Variants in ZNF407 observed in about 807,000 individuals in gnomAD.
ZNF407 encodes the protein zinc finger protein 407.
A neutral mutation model predicts 131.2 loss-of-function variants in ZNF407; 17 were observed. The ratio of observed to expected loss-of-function variants is 0.13; its 90% CI spans 0.09 to 0.19. ZNF407 has a LOEUF of 0.19. Among genes scored for constraint, ZNF407 ranks in the 10% least tolerant of loss-of-function variants. The probability of loss-of-function intolerance (pLI) is 1.00; values close to 1 mark genes in which losing one functional copy is unlikely to be tolerated. For synonymous variants in ZNF407, 1,156 were observed against 1,062.0 expected, an observed-to-expected ratio of 1.09 and a Z score of -1.72; for missense variants, 2,681 against 2,830.6, an observed-to-expected ratio of 0.95 and a Z score of 1.20.
chr18:74,644,432 A>G (rs1488024114), intron 3 of ZNF407, among the ~76,000 whole-genome samples: 2 of 151,252 alleles, frequency 1.3e-5, no homozygotes, highest in African/African-American at 4.9e-5. Context: ...GGCCAAATGC[A>G]TATTTTTATT....
intron 3 of ZNF407, among the ~76,000 whole-genome samples, chr18:74,699,396 G>T (rs1310814408): frequency 1.3e-5 from 2 of 152,174 alleles, no homozygotes; most frequent in African/African-American, 2.4e-5. Context: ...TTAGGGGAGT[G>T]CTGGGGTCTG....
rs868700418 is a variant in ZNF407, at chr18:74,706,760, T to C, written c.4802+65638T>C. Among the ~76,000 whole-genome samples, 7 of 152,252 alleles carry C rather than the reference T, an allele frequency of 4.6e-5. No individual in the cohort carries two copies. The South Asian group carries it at 1.5e-3, about 32-fold the overall frequency. ...GGTAGGGTACTTGTAGAATTTGACC[T>C]TCATAAGGCCTATAGAGGCAGGTGA... On this transcript the variant is annotated intron_variant, in intron 3 of 8. Transcript: ENST00000299687.
chr18:74,875,393 T>C (rs979953128), intron 4 of ZNF407, among the ~76,000 whole-genome samples: 1 of 152,216 alleles, frequency 6.6e-6, no homozygotes, highest in African/African-American at 2.4e-5. Flanking sequence ...AGATGTAATT[T>C]TGTTAAATGT....
At chr18:75,018,927 TC>T (rs1973076027) in intron 8 of ZNF407, among the ~76,000 whole-genome samples, 1 of 152,138 alleles carries the variant, frequency 6.6e-6, no homozygotes, top group African/African-American at 2.4e-5. Flanking sequence ...TTAACTGCTC[TC>T]CATTATTTTC....
At chr18:74,705,866 A>T (rs1017826116) in intron 3 of ZNF407, among the ~76,000 whole-genome samples, 2 of 152,212 alleles carry the variant, frequency 1.3e-5, no homozygotes, top group African/African-American at 4.8e-5. Flanking sequence ...TATGGTTACT[A>T]TGTATAGATC....
chr18:74,807,458 C>A (rs1235250859), intron 4 of ZNF407, among the ~76,000 whole-genome samples: 1 of 152,164 alleles, frequency 6.6e-6, no homozygotes, highest in Non-Finnish European at 1.5e-5. Flanking sequence ...TGAACAGTCA[C>A]ACTAGTTATG....
At chr18:74,948,997 CTG>C (rs756360712) in intron 8 of ZNF407, among the ~76,000 whole-genome samples, 6 of 152,156 alleles carry the variant, frequency 3.9e-5, no homozygotes, top group Non-Finnish European at 8.8e-5. Context: ...GGGAAGCAAA[CTG>C]TGGAAAAATC....
At chr18:74,820,928 A>G (rs537599311) in intron 4 of ZNF407, among the ~76,000 whole-genome samples, 4 of 152,240 alleles carry the variant, frequency 2.6e-5, no homozygotes, top group African/African-American at 9.6e-5. Flanking sequence ...ATACTCTACA[A>G]CGTCTGGCTG....
At chr18:75,024,667 C>A (rs1389079073) in intron 8 of ZNF407, among the ~76,000 whole-genome samples, 3 of 152,152 alleles carry the variant, frequency 2.0e-5, no homozygotes, top group Non-Finnish European at 2.9e-5. Flanking sequence ...TAGGCATGCA[C>A]TGTGGCAGAT....
intron 3 of ZNF407, among the ~76,000 whole-genome samples, chr18:74,666,818 T>C (rs1024607130): frequency 6.6e-6 from 1 of 152,174 alleles, no homozygotes; most frequent in African/African-American, 2.4e-5. Context: ...ATATCATAAA[T>C]CTGGGAACTG....
At chr18:74,706,983 G>C (rs1004682335) in intron 3 of ZNF407, among the ~76,000 whole-genome samples, 1 of 141,146 alleles carries the variant, frequency 7.1e-6, no homozygotes, top group Admixed American at 7.3e-5. Flanking sequence ...GGAGTCTCAC[G>C]CATTGTCGCC....
At chr18:74,622,401 G>A (rs887742491) in intron 1 of ZNF407, among the ~76,000 whole-genome samples, 6 of 152,232 alleles carry the variant, frequency 3.9e-5, no homozygotes, top group African/African-American at 1.4e-4. Flanking sequence ...CTTGCAGCTC[G>A]CAGGGGGCTT....
chr18:74,806,429 C>T (rs1390972306), intron 4 of ZNF407, among the ~76,000 whole-genome samples: 1 of 152,140 alleles, frequency 6.6e-6, no homozygotes, highest in Non-Finnish European at 1.5e-5. Context: ...AGGAGGAAGG[C>T]GAGAGCCAGG....
intron 3 of ZNF407, among the ~76,000 whole-genome samples, chr18:74,725,529 T>C (rs577385296): frequency 3.3e-5 from 5 of 152,206 alleles, no homozygotes; most frequent in Admixed American, 6.5e-5. Context: ...AGTATCTTCA[T>C]GTGTGTTACA....
At chr18:74,797,873 A>G (rs2145063342) in intron 4 of ZNF407, among the ~76,000 whole-genome samples, 1 of 151,466 alleles carries the variant, frequency 6.6e-6, no homozygotes, top group Admixed American at 6.6e-5. Context: ...AATTAAGGTT[A>G]CAACTATCAT....
intron 8 of ZNF407, among the ~76,000 whole-genome samples, chr18:75,036,350 G>C (rs1463972287): frequency 6.6e-6 from 1 of 152,104 alleles, no homozygotes; most frequent in Non-Finnish European, 1.5e-5. Flanking sequence ...AGGGAAGTGT[G>C]ACCTGACAGT....
intron 1 of ZNF407, among the ~76,000 whole-genome samples, chr18:74,623,001 TGTTA>T (rs1427767324): frequency 6.6e-6 from 1 of 151,378 alleles, no homozygotes; most frequent in South Asian, 2.1e-4. Flanking sequence ...TCCGTGTGTC[TGTTA>T]GTCTGAATGT....
At chr18:74,834,281 G>GA (rs986517038) in intron 4 of ZNF407, among the ~76,000 whole-genome samples, 77 of 152,280 alleles carry the variant, frequency 5.1e-4, no homozygotes, top group African/African-American at 1.4e-3. Context: ...CAGTTTAGGG[G>GA]AAAAAATTGG....
chr18:74,691,136 G>C (rs1967212301), intron 3 of ZNF407, among the ~76,000 whole-genome samples: 1 of 152,012 alleles, frequency 6.6e-6, no homozygotes, highest in Non-Finnish European at 1.5e-5. Context: ...AAAATTAGCT[G>C]GGCGTGGTGG....
Sources: allele counts gnomAD v4.1 joint callset (sites outside exome capture counted in the v4.1 genomes callset), GRCh38; gene constraint gnomAD v4.1.1; transcripts MANE v1.5; gene names NCBI Gene and HGNC (gene_info 2026-07-23, HGNC 2026-07-21).